The following CFAP74 variants were observed in gnomAD, a reference collection of about 807,000 sequenced individuals.
CFAP74 encodes the protein cilia and flagella associated protein 74.
A neutral mutation model predicts 188.9 loss-of-function variants in CFAP74; 124 were observed. The observed-to-expected ratio is 0.66, with a 90% CI of 0.57 to 0.76. CFAP74 has a LOEUF of 0.76. Among genes scored for constraint, CFAP74 ranks in the 30% least tolerant of loss-of-function variants. The probability of loss-of-function intolerance (pLI) is 0.00; values close to 1 mark genes in which losing one functional copy is unlikely to be tolerated. For synonymous variants in CFAP74, 956 were observed against 916.7 expected (o/e 1.04, Z -0.77); for missense variants, 2,198 against 2,165.2 (o/e 1.02, Z -0.30).
intron 10 of CFAP74, among the ~76,000 whole-genome samples, chr1:1,969,852 C>G (rs894480355): frequency 2.6e-5 from 4 of 152,232 alleles, no homozygotes; most frequent in Admixed American, 2.6e-4. Flanking sequence ...CAGGCAGATC[C>G]TAAGCAGTGA....
intron 15 of CFAP74, among the ~76,000 whole-genome samples, chr1:1,959,471 GC>G (rs1172166976): frequency 2.0e-5 from 3 of 151,930 alleles, no homozygotes; most frequent in Non-Finnish European, 4.4e-5. Flanking sequence ...TCGCCATGTT[GC>G]CCAGGCTGGT....
intron 28 of CFAP74, chr1:1,927,389 G>A: frequency 3.4e-6 from 2 of 591,588 alleles, no homozygotes. Flanking sequence ...CCCACCCGTG[G>A]ATTGAGGCTG....
intron 4 of CFAP74, chr1:1,988,266 A>C (rs1389613654): frequency 1.5e-6 from 1 of 651,050 alleles, no homozygotes; most frequent in African/African-American, 1.8e-5. Flanking sequence ...ACAGGTGGCA[A>C]CTCTGGGTGG....
Position 1,922,649 on chromosome 1 carries a change from G to T in CFAP74, c.4758C>A (p.Ser1586=), listed in dbSNP as rs563823588. The change falls in exon 38 of 39, where the codon TCC becomes TCA. Residue 1586 remains serine (S), a synonymous_variant. Coordinates refer to ENST00000682832, the MANE Select transcript of CFAP74 (RefSeq NM_001304360.2). The part of the protein sequence containing the change: ...KGFSIEPSRG[S]VERGQTKTIS... Reference sequence around the variant, plus strand: ...TGGTCTTCGTCTGGCCGCGCTCCACGGAGCCCCTGGAGGGCTCAATAGAGA... The same window carrying T: ...TGGTCTTCGTCTGGCCGCGCTCCACTGAGCCCCTGGAGGGCTCAATAGAGA... 6.2e-7 allele frequency: 1 copy of T among 1,603,378 alleles called. No homozygotes were observed. The highest frequency in any genetic ancestry group is 8.5e-7 in the Non-Finnish European group (1 of 1,174,406).
intron 27 of CFAP74, among the ~76,000 whole-genome samples, chr1:1,928,097 C>T (rs1321722492): frequency 6.6e-6 from 1 of 152,260 alleles, no homozygotes; most frequent in East Asian, 1.9e-4. Flanking sequence ...CAGGAGGAAC[C>T]CAGGCCGGGA....
At position 1,927,047 on chromosome 1, in the gene CFAP74, CT is replaced by C; in HGVS notation, c.3528-20del. On this transcript the variant is annotated intron_variant, in intron 28 of 38. Transcript: ENST00000682832. ...GTCGGAACTAGAAGGAAGTCAGAGG[CT>C]TGCGCTCCCGCCTTGCCCCCACCCA... The C allele has an allele frequency of 6.5e-7, 1 of 1,550,004 alleles. No homozygotes were observed. Among genetic ancestry groups the C allele is most frequent in the Non-Finnish European group, 8.7e-7 (1 of 1,146,802 alleles).
chr1:1,925,913 G>A lies in CFAP74; in HGVS notation c.3974C>T (p.Thr1325Ile), dbSNP rs1211635139. Residue 1325 changes from threonine (T) to isoleucine (I), a missense_variant, in exon 33 of 39, where the codon ACC becomes ATC. Coordinates refer to ENST00000682832, the MANE Select transcript of CFAP74 (RefSeq NM_001304360.2). ...GGTGAGGGTGAGCGTGCCTCTCTTG[G>A]TGATGATGTCCAGTGTTTCTTGAGC... ...ILAQETLDII[T>I]KRGTLTLTLM... The A allele has an allele frequency of 6.2e-7, 1 of 1,611,590 alleles. No individual in the cohort carries two copies. Among genetic ancestry groups the A allele is most frequent in the Non-Finnish European group, 8.5e-7 (1 of 1,179,414 alleles).
intron 20 of CFAP74, among the ~76,000 whole-genome samples, chr1:1,945,902 G>T (rs1387216693): frequency 6.8e-6 from 1 of 147,818 alleles, no homozygotes; most frequent in African/African-American, 2.5e-5. Context: ...GTGTGCATGT[G>T]TGTGCATGTG....
intron 17 of CFAP74, among the ~76,000 whole-genome samples, chr1:1,956,095 G>A (rs988556235): frequency 2.6e-5 from 4 of 152,240 alleles, no homozygotes; most frequent in African/African-American, 7.2e-5. Context: ...GGGTGGGCAT[G>A]GCTGTGCTGC....
intron 14 of CFAP74, among the ~76,000 whole-genome samples, chr1:1,962,265 CAGG>C (rs1655139941): frequency 6.6e-6 from 1 of 151,938 alleles, no homozygotes; most frequent in Non-Finnish European, 1.5e-5. Context: ...CACCTGAGGT[CAGG>C]AGTTCATGAC....
At chr1:2,002,005 C>T (rs1304123046) in intron 1 of CFAP74, among the ~76,000 whole-genome samples, 2 of 152,136 alleles carry the variant, frequency 1.3e-5, no homozygotes, top group South Asian at 2.1e-4. Flanking sequence ...GATCCTTCCA[C>T]GCTGGGGCCC....
intron 10 of CFAP74, among the ~76,000 whole-genome samples, chr1:1,969,182 C>T (rs548172250): frequency 6.8e-6 from 1 of 148,078 alleles, no homozygotes; most frequent in Admixed American, 6.7e-5. Flanking sequence ...CCTGCCCAGC[C>T]CTGCCCAGCC....
At chr1:1,941,470 G>C (rs980505044) in intron 22 of CFAP74, among the ~76,000 whole-genome samples, 1 of 152,240 alleles carries the variant, frequency 6.6e-6, no homozygotes. Flanking sequence ...GCAGCCAGCA[G>C]GCCTGGGAAG....
rs533096289 is a variant in CFAP74, at chr1:1,926,047, G to A, written c.3949-109C>T. On this transcript the variant is annotated intron_variant, in intron 32 of 38. Coordinates refer to ENST00000682832, the MANE Select transcript of CFAP74 (RefSeq NM_001304360.2). ...AACGCTGGAGTTGAGACAGCTCTGGGGGGGCTCTGTCAGCTCCGCTCACTT... is the reference window on the plus strand; with the variant it reads ...AACGCTGGAGTTGAGACAGCTCTGGAGGGGCTCTGTCAGCTCCGCTCACTT... The A allele has an allele frequency of 7.4e-5, 104 of 1,411,158 alleles. No homozygotes were observed. In the African/African-American group the frequency reaches 1.3e-3, roughly 18 times the overall value. The allele number at this position is 1,411,158 out of a possible 1,614,324, so 87.4% of individuals were successfully genotyped here. A position where few individuals can be genotyped will look rare whatever the true frequency, so the allele number is the denominator to read the frequency against.
At position 1,965,070 on chromosome 1, in the gene CFAP74, C is replaced by A; in HGVS notation, c.1402-9G>T. On this transcript the variant is annotated splice_polypyrimidine_tract_variant and intron_variant, in intron 12 of 38. Coordinates refer to ENST00000682832, the MANE Select transcript of CFAP74 (RefSeq NM_001304360.2). ...ACGTCCTCCTTGGGCACCTGGGGGT[C>A]ACAGAGACAGAGGCTGGGGCTGTTA... 6.2e-7 allele frequency: 1 copy of A among 1,610,320 alleles called. No homozygotes were observed. The highest frequency in any genetic ancestry group is 1.1e-5 in the South Asian group (1 of 90,860).
chr1:1,921,965 T>C lies in CFAP74; in HGVS notation c.*322A>G. ...ACACTGCAGGCTGCATGTGTTGGCC[T>C]ACAAAAAATTTATTGACAGGCTGTG... is the stretch of plus-strand genomic sequence containing the variant. On this transcript the variant is annotated 3_prime_UTR_variant, in exon 39 of 39. Transcript: ENST00000682832. 1 of 333,714 alleles carries C rather than the reference T, an allele frequency of 3.0e-6. No homozygotes were observed. The highest frequency in any genetic ancestry group is 3.6e-5 in the South Asian group (1 of 28,024). 20.7% of individuals were successfully genotyped at this position (333,714 alleles called of 1,614,324 possible).
chr1:1,943,211 T>A (rs563012325), intron 21 of CFAP74, among the ~76,000 whole-genome samples: 10 of 152,266 alleles, frequency 6.6e-5, no homozygotes, highest in African/African-American at 2.2e-4. Flanking sequence ...CAGCCCTCAA[T>A]GCCCGACAGA....
At chr1:1,976,684 A>C (rs1426434421) in intron 6 of CFAP74, among the ~76,000 whole-genome samples, 1 of 152,136 alleles carries the variant, frequency 6.6e-6, no homozygotes, top group Admixed American at 6.5e-5. Flanking sequence ...CTGGGATTAC[A>C]GGCATGCACC....
chr1:1,926,399 C>T, intron 31 of CFAP74, 52 bp from the exon 32 acceptor site: 11 of 1,550,164 alleles, frequency 7.1e-6, no homozygotes, highest in Non-Finnish European at 9.6e-6. Context: ...CTCTACCACG[C>T]CCTCCCCGGT....
Sources: gnomAD v4.1 joint callset for allele counts (sites outside exome capture counted in the v4.1 genomes callset) on GRCh38, gnomAD v4.1.1 for gene constraint, MANE v1.5 for transcripts, NCBI Gene and HGNC (gene_info 2026-07-23, HGNC 2026-07-21) for gene names.